Variants in CSMD1 observed in about 807,000 individuals in gnomAD.
The protein encoded by CSMD1 is CUB and Sushi multiple domains 1, also known as CUB and sushi domain-containing protein 1.
In CSMD1, 213 loss-of-function variants were observed where a neutral mutation model predicts 417.5. The observed-to-expected ratio is 0.51, with a 90% CI of 0.46 to 0.57. The LOEUF (loss-of-function observed/expected upper bound fraction) is 0.57. Ranked by LOEUF, CSMD1 falls within the 20% of genes least tolerant of loss-of-function variation. The probability of loss-of-function intolerance (pLI) is 0.00; values close to 1 mark genes in which losing one functional copy is unlikely to be tolerated. For missense variants in CSMD1, 6,923 were observed against 4,529.7 expected (o/e 1.53, Z -15.17); for synonymous variants, 2,862 against 1,736.8 (o/e 1.65, Z -16.11).
rs1806592705 is a variant in CSMD1, at chr8:4,689,152, A to G, written c.86-51594T>C. Among the ~76,000 whole-genome samples the G allele has an allele frequency of 2.0e-5, 3 of 152,340 alleles. No individual in the cohort carries two copies. The South Asian group carries it at 6.2e-4, about 32-fold the overall frequency. On this transcript the variant is annotated intron_variant, in intron 1 of 69. Transcript: ENST00000635120. ...ATCATATAATGCCTGAATTCAGCAA[A>G]GGTAACAGGCCCCAAATCTGGAAAT...
intron 5 of CSMD1, among the ~76,000 whole-genome samples, chr8:3,839,472 TA>T (rs1289806449): frequency 1.8e-5 from 1 of 54,280 alleles, no homozygotes; most frequent in African/African-American, 5.4e-5. Flanking sequence ...ATATATTATA[TA>T]ATTATATTAT....
intron 1 of CSMD1, among the ~76,000 whole-genome samples, chr8:4,719,381 C>T (rs1431444562): frequency 6.6e-6 from 1 of 152,164 alleles, no homozygotes; most frequent in Non-Finnish European, 1.5e-5. Flanking sequence ...TTCTCTTTCT[C>T]TCCCTCCCTT....
chr8:3,380,908 T>C (rs903898943), intron 18 of CSMD1, among the ~76,000 whole-genome samples: 1 of 152,006 alleles, frequency 6.6e-6, no homozygotes, highest in Non-Finnish European at 1.5e-5. Flanking sequence ...AAAAAAGTTT[T>C]GGTTAGATAG....
At chr8:4,828,800 C>G (rs1190311476) in intron 1 of CSMD1, among the ~76,000 whole-genome samples, 1 of 152,090 alleles carries the variant, frequency 6.6e-6, no homozygotes, top group Non-Finnish European at 1.5e-5. Context: ...ATCAGATGAG[C>G]CCAGAAGTAC....
At chr8:4,754,898 T>G (rs1417880371) in intron 1 of CSMD1, among the ~76,000 whole-genome samples, 1 of 150,996 alleles carries the variant, frequency 6.6e-6, no homozygotes, top group African/African-American at 2.4e-5. Flanking sequence ...AAGCACTTTG[T>G]GAATCCAAGG....
intron 5 of CSMD1, among the ~76,000 whole-genome samples, chr8:3,853,900 T>A (rs924044577): frequency 6.8e-6 from 1 of 146,254 alleles, no homozygotes; most frequent in Admixed American, 6.9e-5. Context: ...TATACTTTAA[T>A]ATATTAATAC....
At chr8:4,580,536 T>G (rs2725066) in intron 2 of CSMD1, among the ~76,000 whole-genome samples, 2 of 152,012 alleles carry the variant, frequency 1.3e-5, no homozygotes, top group Non-Finnish European at 2.9e-5. Flanking sequence ...GGTTCCCAGC[T>G]TGAGTTGTTC....
intron 11 of CSMD1, among the ~76,000 whole-genome samples, chr8:3,490,238 T>G (rs1471258375): frequency 6.6e-6 from 1 of 152,196 alleles, no homozygotes; most frequent in Non-Finnish European, 1.5e-5. Flanking sequence ...AAAGGGCATC[T>G]CAGTTTGATT....
chr8:4,150,123 G>T (rs1796491215), intron 3 of CSMD1, among the ~76,000 whole-genome samples: 2 of 152,160 alleles, frequency 1.3e-5, no homozygotes, highest in African/African-American at 4.8e-5. Context: ...TCCACATTGT[G>T]TATTTTAAGG....
intron 3 of CSMD1, among the ~76,000 whole-genome samples, chr8:4,281,779 A>C (rs575575209): frequency 6.6e-6 from 1 of 152,244 alleles, no homozygotes; most frequent in Non-Finnish European, 1.5e-5. Context: ...GAATAAAGTG[A>C]TAACTGTATT....
chr8:4,714,867 A>C (rs1584986030), intron 1 of CSMD1, among the ~76,000 whole-genome samples: 1 of 152,236 alleles, frequency 6.6e-6, no homozygotes, highest in South Asian at 2.1e-4. Flanking sequence ...ACCGAAGAAA[A>C]AAATCTGTAT....
At chr8:3,567,662 T>C (rs1189282549) in intron 10 of CSMD1, among the ~76,000 whole-genome samples, 1 of 151,976 alleles carries the variant, frequency 6.6e-6, no homozygotes, top group Non-Finnish European at 1.5e-5. Context: ...TTACCGACAA[T>C]ATTCCCAAGC....
intron 3 of CSMD1, among the ~76,000 whole-genome samples, chr8:4,387,570 C>CAAAAAAAAAGAAAAAAAAAAA (rs1803536818): frequency 2.7e-5 from 1 of 37,208 alleles, no homozygotes; most frequent in Non-Finnish European, 5.8e-5. Flanking sequence ...TCCAAACTGG[C>CAAAAAAAAAGAAAAAAAAAAA]AAAAAAAAAA....
chr8:4,970,742 G>A (rs568256536), intron 1 of CSMD1, among the ~76,000 whole-genome samples: 21 of 152,196 alleles, frequency 1.4e-4, no homozygotes, highest in African/African-American at 4.1e-4. Flanking sequence ...TGTGCCTGCC[G>A]TGGTTCTTTT....
At chr8:3,259,355 C>G (rs951599661) in intron 26 of CSMD1, among the ~76,000 whole-genome samples, 1 of 152,162 alleles carries the variant, frequency 6.6e-6, no homozygotes, top group African/African-American at 2.4e-5. Flanking sequence ...TTCACTCAGT[C>G]CTGCTTAGCT....
intron 3 of CSMD1, among the ~76,000 whole-genome samples, chr8:4,188,911 T>A (rs1798849802): frequency 1.3e-5 from 2 of 152,108 alleles, no homozygotes; most frequent in Admixed American, 6.5e-5. Context: ...GGGGTTGGCA[T>A]AGCTGCTGGG....
intron 3 of CSMD1, among the ~76,000 whole-genome samples, chr8:4,190,464 T>C (rs1457246204): frequency 6.6e-6 from 1 of 152,000 alleles, no homozygotes; most frequent in Non-Finnish European, 1.5e-5. Flanking sequence ...AGCCTAACAC[T>C]ATTAGAGTAT....
intron 2 of CSMD1, among the ~76,000 whole-genome samples, chr8:4,437,274 C>G (rs959878009): frequency 1.3e-5 from 2 of 152,002 alleles, no homozygotes; most frequent in African/African-American, 2.4e-5. Flanking sequence ...AGTAAACTTC[C>G]TTTTAAGTAA....
intron 1 of CSMD1, among the ~76,000 whole-genome samples, chr8:4,742,290 A>G (rs1035701677): frequency 1.3e-5 from 2 of 151,628 alleles, no homozygotes; most frequent in African/African-American, 4.8e-5. Context: ...TCGGCCTCCC[A>G]AAGTGCTGAG....
Sources: allele counts gnomAD v4.1 joint callset (sites outside exome capture counted in the v4.1 genomes callset), GRCh38; gene constraint gnomAD v4.1.1; transcripts MANE v1.5; gene names NCBI Gene and HGNC (gene_info 2026-07-23, HGNC 2026-07-21).